Variants in VIPR2 observed in about 807,000 individuals in gnomAD.
The protein encoded by VIPR2 is vasoactive intestinal polypeptide receptor 2.
In VIPR2, 48 loss-of-function variants were observed where a neutral mutation model predicts 58.0. The observed-to-expected ratio is 0.83, with a 90% CI of 0.66 to 1.05. The LOEUF is 1.05. Among genes scored for constraint, VIPR2 ranks in the 50% least tolerant of loss-of-function variants. The probability of loss-of-function intolerance (pLI) is 0.00; values close to 1 mark genes in which losing one functional copy is unlikely to be tolerated. For missense variants in VIPR2, 534 were observed against 558.0 expected (o/e 0.96, Z 0.43); for synonymous variants, 243 against 235.2 (o/e 1.03, Z -0.30).
chr7:159,077,051 C>T (rs1283005934), intron 4 of VIPR2, among the ~76,000 whole-genome samples: 1 of 152,182 alleles, frequency 6.6e-6, no homozygotes, highest in Non-Finnish European at 1.5e-5. Flanking sequence ...ATCACCAAAA[C>T]TTTGACTGGA....
At chr7:159,061,947 T>G (rs1855694413) in intron 4 of VIPR2, among the ~76,000 whole-genome samples, 2 of 152,130 alleles carry the variant, frequency 1.3e-5, no homozygotes, top group Non-Finnish European at 2.9e-5. Context: ...CGGCCGCGTC[T>G]GGAGTCCATG....
intron 2 of VIPR2, among the ~76,000 whole-genome samples, chr7:159,126,094 T>G (rs1384857861): frequency 6.6e-6 from 1 of 152,154 alleles, no homozygotes; most frequent in African/African-American, 2.4e-5. Context: ...ACTTGGGGGC[T>G]CTCGTAAACA....
At chr7:159,067,936 G>A (rs766216084) in intron 4 of VIPR2, among the ~76,000 whole-genome samples, 51 of 152,260 alleles carry the variant, frequency 3.3e-4, no homozygotes, top group Non-Finnish European at 6.0e-4. Context: ...GTCAGGGCAG[G>A]AAGGGCAGGT....
intron 4 of VIPR2, among the ~76,000 whole-genome samples, chr7:159,069,221 A>G (rs116839757): frequency 6.6e-6 from 1 of 151,918 alleles, no homozygotes; most frequent in East Asian, 1.9e-4. Context: ...CTCCCTGCTC[A>G]CTTTTTCTTC....
chr7:159,054,108 A>G (rs893216203), intron 5 of VIPR2, among the ~76,000 whole-genome samples: 3 of 152,332 alleles, frequency 2.0e-5, no homozygotes, highest in East Asian at 1.9e-4. Context: ...GAAGCATTGC[A>G]GGCCATAGAA....
At chr7:159,036,076 CT>C in intron 7 of VIPR2, 64 bp from the exon 8 acceptor site, 1 of 1,537,056 alleles carries the variant, frequency 6.5e-7, no homozygotes, top group African/African-American at 1.4e-5. Context: ...AGGTGGGTGC[CT>C]TCACCAGCAA....
rs367555751 is a variant in VIPR2, at chr7:159,109,800, G to C, written c.259+12C>G. ...CCTGGAGGAGCTCAGGAACTCAACC[G>C]ACGGACAGTACCTGCTTTGCTGTAA... On this transcript the variant is annotated intron_variant, in intron 3 of 12. Coordinates refer to ENST00000262178, the MANE Select transcript of VIPR2 (RefSeq NM_003382.5). 2 of 1,613,136 alleles carry C rather than the reference G, an allele frequency of 1.2e-6. No homozygotes were observed. Among genetic ancestry groups the C allele is most frequent in the Non-Finnish European group, 1.7e-6 (2 of 1,179,080 alleles).
At chr7:159,074,094 C>A (rs928740826) in intron 4 of VIPR2, among the ~76,000 whole-genome samples, 2 of 152,058 alleles carry the variant, frequency 1.3e-5, no homozygotes, top group Non-Finnish European at 2.9e-5. Flanking sequence ...AAGAAAAAAA[C>A]AAAACTGTTG....
intron 5 of VIPR2, 40 bp from the exon 6 acceptor site, chr7:159,043,216 A>C (rs760671182): frequency 1.5e-5 from 20 of 1,363,726 alleles, no homozygotes; most frequent in Admixed American, 1.9e-5. Context: ...TTGGAGGGGG[A>C]AGGGGAGGGA....
intron 4 of VIPR2, among the ~76,000 whole-genome samples, chr7:159,066,238 C>T (rs575786875): frequency 2.0e-5 from 3 of 151,830 alleles, no homozygotes; most frequent in East Asian, 3.9e-4. Flanking sequence ...TCCACACCGT[C>T]GGTGGGATTC....
Position 159,036,015 on chromosome 7 carries a change from G to C in VIPR2, c.749-3C>G. On this transcript the variant is annotated splice_polypyrimidine_tract_variant and splice_region_variant and intron_variant, in intron 7 of 12. Coordinates refer to ENST00000262178, the MANE Select transcript of VIPR2 (RefSeq NM_003382.5). ...ACCGATGCAGACGGTGGGGAGGCCT[G>C]CAGAGAGACGCCTGGTTACACAGGT... 6.2e-7 allele frequency: 1 copy of C among 1,612,744 alleles called. No individual in the cohort carries two copies. The highest frequency in any genetic ancestry group is 8.5e-7 in the Non-Finnish European group (1 of 1,179,546).
rs142959543 is a variant in VIPR2 at position 159,109,891 on chromosome 7, C to A, written c.180G>T (p.Thr60=). The A allele has an allele frequency of 1.1e-5, 17 of 1,613,846 alleles. No individual in the cohort carries two copies. In the African/African-American group the frequency reaches 1.9e-4, roughly 18 times the overall value. The change falls in exon 3 of 13, where the codon ACG becomes ACT. Residue 60 remains threonine, a synonymous_variant. Coordinates refer to ENST00000262178, the MANE Select transcript of VIPR2 (RefSeq NM_003382.5). ...KACSGVWDNI[T]CWRPANVGET... is the part of the protein sequence containing the mutation. ...CTCCCACATTGGCAGGCCGCCAGCA[C>A]GTGATGTTGTCCCAGACGCCACTGC...
intron 4 of VIPR2, among the ~76,000 whole-genome samples, chr7:159,085,052 A>G (rs892840945): frequency 2.0e-5 from 3 of 152,158 alleles, no homozygotes. Context: ...TCTTCTTTCA[A>G]GTTACTGGCA....
Position 159,139,912 on chromosome 7 carries a change from T to C in VIPR2, c.151+2534A>G, listed in dbSNP as rs533370944. Among the ~76,000 whole-genome samples, 8 of 152,398 alleles carry C rather than the reference T, an allele frequency of 5.2e-5. No individual in the cohort carries two copies. In the South Asian group the frequency reaches 1.7e-3, roughly 32 times the overall value. On this transcript the variant is annotated intron_variant, in intron 2 of 12. Coordinates refer to ENST00000262178, the MANE Select transcript of VIPR2 (RefSeq NM_003382.5). ...TGGAAACAGGGCTGGATCTCGGCTC[T>C]GAGGCCGGGAGTGCCTCATACACAT...
intron 4 of VIPR2, among the ~76,000 whole-genome samples, chr7:159,085,287 C>T (rs1225227146): frequency 1.3e-5 from 2 of 152,102 alleles, no homozygotes; most frequent in South Asian, 2.1e-4. Flanking sequence ...ACGGATGAGG[C>T]GGGTGGAGGG....
rs950830348 is a variant in VIPR2 at position 159,096,837 on chromosome 7, C to A, written c.357+6920G>T. The A allele has an allele frequency of 9.3e-5, 138 of 1,487,704 alleles. No homozygotes were observed. The highest frequency in any genetic ancestry group is 1.2e-4 in the Non-Finnish European group (132 of 1,109,018). 92.2% of individuals were successfully genotyped at this position (1,487,704 alleles called of 1,614,324 possible). Reference sequence around the variant, plus strand: ...GCCCAGCTCTTGTCCCGGCCCACCTCGGGATGCTTCCGCCGTACTGTGTCC... The same window carrying A: ...GCCCAGCTCTTGTCCCGGCCCACCTAGGGATGCTTCCGCCGTACTGTGTCC... On this transcript the variant is annotated intron_variant, in intron 4 of 12. Transcript: ENST00000262178. The surrounding 1 kb of genome is among the most constrained non-coding windows in gnomAD (Gnocchi z 5.5).
intron 4 of VIPR2, among the ~76,000 whole-genome samples, chr7:159,080,804 G>A (rs1318929928): frequency 6.6e-6 from 1 of 152,094 alleles, no homozygotes; most frequent in African/African-American, 2.4e-5. Flanking sequence ...AAAATCACAA[G>A]CATTCTTATA....
chr7:159,032,087 C>T lies in VIPR2; in HGVS notation c.972-20G>A. 3.1e-6 allele frequency: 5 copies of T among 1,613,594 alleles called. No homozygotes were observed. The highest frequency in any genetic ancestry group is 4.2e-6 in the Non-Finnish European group (5 of 1,179,938). Reference sequence around the variant, plus strand: ...AGCCTCCTGCACAGAAGGAGATGAGCCAGCTCAGCTGCTGGACCCTCGGAC... The same window carrying T: ...AGCCTCCTGCACAGAAGGAGATGAGTCAGCTCAGCTGCTGGACCCTCGGAC... On this transcript the variant is annotated intron_variant, in intron 10 of 12. Coordinates refer to ENST00000262178, the MANE Select transcript of VIPR2 (RefSeq NM_003382.5).
intron 4 of VIPR2, among the ~76,000 whole-genome samples, chr7:159,091,191 G>A (rs967230842): frequency 6.6e-6 from 1 of 152,270 alleles, no homozygotes; most frequent in Non-Finnish European, 1.5e-5. Flanking sequence ...ATCGAATTGT[G>A]GTTTACGGAA....
Sources: gnomAD v4.1 joint callset for allele counts (sites outside exome capture counted in the v4.1 genomes callset) on GRCh38, gnomAD v4.1.1 for gene constraint, Gnocchi (gnomAD v3.1) non-coding constraint, MANE v1.5 for transcripts, NCBI Gene and HGNC (gene_info 2026-07-23, HGNC 2026-07-21) for gene names.